The following PATJ variants were observed in gnomAD, a reference collection of about 807,000 sequenced individuals.
The protein encoded by PATJ is PATJ crumbs cell polarity complex component.
In PATJ, 190 loss-of-function variants were observed where a neutral mutation model predicts 224.9. The ratio of observed to expected loss-of-function variants is 0.84; its 90% CI spans 0.75 to 0.95. The LOEUF (loss-of-function observed/expected upper bound fraction) is 0.95. Ranked by LOEUF, PATJ falls within the 40% of genes least tolerant of loss-of-function variation. The pLI is 0.00. For synonymous variants in PATJ, 769 were observed against 820.3 expected (o/e 0.94, Z 1.07); for missense variants, 2,121 against 2,270.3 (o/e 0.93, Z 1.34).
intron 22 of PATJ, among the ~76,000 whole-genome samples, chr1:61,895,660 AACTC>A (rs1670257457): frequency 1.1e-5 from 1 of 89,058 alleles, no homozygotes; most frequent in Non-Finnish European, 2.8e-5. Flanking sequence ...GGCAGAAGTC[AACTC>A]GGGCAGAGCC....
intron 27 of PATJ, among the ~76,000 whole-genome samples, chr1:61,945,466 T>C (rs557519342): frequency 6.0e-5 from 9 of 150,774 alleles, no homozygotes; most frequent in African/African-American, 1.7e-4. Flanking sequence ...CCAACAAATA[T>C]CAGAAGAGAC....
At chr1:61,838,512 G>A (rs1413357253) in intron 17 of PATJ, among the ~76,000 whole-genome samples, 3 of 147,634 alleles carry the variant, frequency 2.0e-5, no homozygotes, top group Non-Finnish European at 4.5e-5. Flanking sequence ...CTGCTACCAC[G>A]CCTGGCTAAT....
intron 31 of PATJ, among the ~76,000 whole-genome samples, chr1:62,052,527 A>G (rs1165915518): frequency 6.6e-6 from 1 of 152,070 alleles, no homozygotes; most frequent in African/African-American, 2.4e-5. Flanking sequence ...AGATCACCTG[A>G]AGTCAGGAGT....
At chr1:62,106,702 T>C (rs553425652) in intron 33 of PATJ, among the ~76,000 whole-genome samples, 81 of 152,264 alleles carry the variant, frequency 5.3e-4, no homozygotes, top group African/African-American at 1.7e-3. Flanking sequence ...CACCCAGACA[T>C]TGATGACGCC....
chr1:61,828,672 G>A (rs1658767293), intron 16 of PATJ, among the ~76,000 whole-genome samples: 1 of 152,156 alleles, frequency 6.6e-6, no homozygotes, highest in Admixed American at 6.5e-5. Context: ...GTTTATAGGT[G>A]TGAGCGACTG....
intron 23 of PATJ, among the ~76,000 whole-genome samples, chr1:61,900,058 G>A (rs1012009520): frequency 4.6e-5 from 7 of 152,168 alleles, no homozygotes; most frequent in Non-Finnish European, 8.8e-5. Context: ...GAGAGTCCAC[G>A]TTTGTGCTAA....
At chr1:62,044,180 T>C (rs1652072917) in intron 30 of PATJ, among the ~76,000 whole-genome samples, 1 of 152,348 alleles carries the variant, frequency 6.6e-6, no homozygotes, top group African/African-American at 2.4e-5. Context: ...TACATTGTTA[T>C]TAACTGTGGT....
rs370237844 is a variant in PATJ at position 62,011,571 on chromosome 1, C to T, written c.3868-6285C>T. ...ACATTGAAGGTCATGGATCACATATCGCCATAACAGACAGAATAATAATGT... is the reference window on the plus strand; with the variant it reads ...ACATTGAAGGTCATGGATCACATATTGCCATAACAGACAGAATAATAATGT... On this transcript the variant is annotated intron_variant, in intron 28 of 43. Coordinates refer to ENST00000642238, the MANE Select transcript of PATJ (RefSeq NM_001350145.3). Among the ~76,000 whole-genome samples the T allele has an allele frequency of 3.3e-5, 5 of 152,098 alleles. 1 individual carries two copies. The highest frequency in any genetic ancestry group is 9.6e-5 in the African/African-American group (4 of 41,464).
chr1:61,927,757 A>T lies in PATJ; in HGVS notation c.3598A>T (p.Lys1200Ter). ...KRQGTAPPPM[K>*]LPPPYKALTD... ...GCAAGGAACTGCTCCACCGCCAATG[A>T]AACTTCCTCCTCCTTATAAAGCTCT... The change falls in exon 27 of 44, where the codon AAA becomes TAA. Residue 1200 changes from lysine (K) to a stop codon, truncating the protein, a stop_gained. Coordinates refer to ENST00000642238, the MANE Select transcript of PATJ (RefSeq NM_001350145.3). LOFTEE classifies it high-confidence loss of function. 6.2e-7 allele frequency: 1 copy of T among 1,613,582 alleles called. No individual in the cohort carries two copies. Among genetic ancestry groups the T allele is most frequent in the Non-Finnish European group, 8.5e-7 (1 of 1,179,754 alleles).
At chr1:62,092,184 C>T (rs1660824891) in intron 33 of PATJ, among the ~76,000 whole-genome samples, 1 of 151,352 alleles carries the variant, frequency 6.6e-6, no homozygotes, top group Non-Finnish European at 1.5e-5. Flanking sequence ...TTGAGACTAA[C>T]CTGGGCAACA....
chr1:61,833,738 C>A lies in PATJ; in HGVS notation c.2065C>A (p.Leu689Ile). The A allele has an allele frequency of 6.2e-7, 1 of 1,613,500 alleles. No individual in the cohort carries two copies. Among genetic ancestry groups the A allele is most frequent in the Non-Finnish European group, 8.5e-7 (1 of 1,179,576 alleles). ...LWSPEVKIVE[L>I]VKDCKGLGFS... The stretch of plus-strand genomic sequence containing the variant: ...GTCCCCTGAAGTCAAGATTGTTGAA[C>A]TAGTAAAAGATTGTAAAGGTTTGGG... The change falls in exon 17 of 44, where the codon CTA (leucine) becomes ATA (isoleucine). Residue 689 changes from leucine to isoleucine, a missense_variant. Physicochemically the swap from Leu to Ile is conservative, Grantham distance 5. Coordinates refer to ENST00000642238, the MANE Select transcript of PATJ (RefSeq NM_001350145.3).
chr1:61,812,193 G>A (rs1166877842), intron 14 of PATJ, among the ~76,000 whole-genome samples: 2 of 151,910 alleles, frequency 1.3e-5, no homozygotes, highest in African/African-American at 4.8e-5. Flanking sequence ...ATCTGTTTCT[G>A]TCATTCGATG....
chr1:61,864,924 T>C (rs1302349755), intron 20 of PATJ, among the ~76,000 whole-genome samples: 1 of 152,058 alleles, frequency 6.6e-6, no homozygotes, highest in East Asian at 1.9e-4. Context: ...CAGAGAAGAG[T>C]TCTTTTAACA....
At chr1:61,862,399 G>A (rs548604025) in intron 19 of PATJ, among the ~76,000 whole-genome samples, 34 of 152,106 alleles carry the variant, frequency 2.2e-4, no homozygotes, top group Admixed American at 3.9e-4. Flanking sequence ...GTTTCGCCAC[G>A]TTGGCCAGGC....
intron 20 of PATJ, among the ~76,000 whole-genome samples, chr1:61,868,313 C>G (rs114643437): frequency 4.4e-4 from 67 of 152,316 alleles, no homozygotes; most frequent in Non-Finnish European, 8.5e-4. Context: ...TTTCTCCTCT[C>G]TCTCTATCCC....
At chr1:62,061,010 A>G (rs748906118) in intron 31 of PATJ, among the ~76,000 whole-genome samples, 10 of 150,030 alleles carry the variant, frequency 6.7e-5, no homozygotes, top group Non-Finnish European at 1.3e-4. Flanking sequence ...TTTATTTTAG[A>G]TACAGGGGGT....
At chr1:61,933,358 G>A (rs1334848181) in intron 27 of PATJ, among the ~76,000 whole-genome samples, 1 of 151,918 alleles carries the variant, frequency 6.6e-6, no homozygotes, top group Non-Finnish European at 1.5e-5. Flanking sequence ...GGCCAACATG[G>A]TGAAACCCCG....
intron 41 of PATJ, among the ~76,000 whole-genome samples, chr1:62,132,000 C>A (rs1666317543): frequency 6.6e-6 from 1 of 151,980 alleles, no homozygotes; most frequent in Non-Finnish European, 1.5e-5. Context: ...AAGCATGCAC[C>A]ACCATACCTG....
chr1:61,953,940 T>C (rs1179770750), intron 27 of PATJ, among the ~76,000 whole-genome samples: 2 of 152,188 alleles, frequency 1.3e-5, no homozygotes, highest in African/African-American at 4.8e-5. Context: ...AAAATCCCCA[T>C]TGCAGTTTTC....
Sources: gnomAD v4.1 joint callset for allele counts (sites outside exome capture counted in the v4.1 genomes callset) on GRCh38, gnomAD v4.1.1 for gene constraint, MANE v1.5 for transcripts, NCBI Gene and HGNC (gene_info 2026-07-23, HGNC 2026-07-21) for gene names.